Variants in VEPH1 observed in about 807,000 individuals in gnomAD.
The protein encoded by VEPH1 is ventricular zone expressed PH domain containing 1.
A neutral mutation model predicts 85.2 loss-of-function variants in VEPH1; 80 were observed. The observed-to-expected ratio is 0.94, with a 90% CI of 0.78 to 1.13. VEPH1 has a LOEUF of 1.13. Ranked by LOEUF, VEPH1 falls within the 50% of genes most tolerant of loss-of-function variation. The pLI is 0.00. For synonymous variants in VEPH1, 297 were observed against 348.0 expected, an observed-to-expected ratio of 0.85 and a Z score of 1.63; for missense variants, 955 against 980.5, an observed-to-expected ratio of 0.97 and a Z score of 0.35.
At chr3:157,419,079 GA>G (rs1482187812) in intron 5 of VEPH1, among the ~76,000 whole-genome samples, 3 of 152,164 alleles carry the variant, frequency 2.0e-5, no homozygotes, top group Non-Finnish European at 4.4e-5. Flanking sequence ...AAGCGAGGGG[GA>G]AAGGATTTTC....
intron 5 of VEPH1, 116 bp downstream of exon 5, chr3:157,428,205 TA>T (rs1343328614): frequency 4.4e-6 from 5 of 1,147,392 alleles, no homozygotes; most frequent in South Asian, 4.1e-5. Context: ...CGCTTTCACT[TA>T]AAAAAATGGG....
In VEPH1 at chr3:157,487,488, G is replaced by T. The variant is rs112498645; in HGVS notation, c.138+7724C>A. Among the ~76,000 whole-genome samples the T allele has an allele frequency of 5.5e-3, 844 of 152,164 alleles. 5 individuals are homozygous for T. The highest frequency in any genetic ancestry group is 0.018 in the African/African-American group (768 of 41,550). ...GCCAGAGAGTTTTATACTGTTCTATGAAATCTTTGAGGATTAGGTCACAAT... is the reference window on the plus strand; with the variant it reads ...GCCAGAGAGTTTTATACTGTTCTATTAAATCTTTGAGGATTAGGTCACAAT... On this transcript the variant is annotated intron_variant, in intron 2 of 13. Transcript: ENST00000362010.
chr3:157,484,828 C>T (rs1023003394), intron 2 of VEPH1, among the ~76,000 whole-genome samples: 5 of 152,124 alleles, frequency 3.3e-5, no homozygotes, highest in Non-Finnish European at 5.9e-5. Context: ...AGAGAAGAGA[C>T]TGCCAGTTAA....
chr3:157,465,877 G>A (rs569101864), intron 3 of VEPH1, among the ~76,000 whole-genome samples: 2 of 152,272 alleles, frequency 1.3e-5, no homozygotes, highest in South Asian at 2.1e-4. Context: ...CCCTCTTCAT[G>A]CAGTCATCAA....
At chr3:157,375,666 T>G (rs1728009322) in intron 7 of VEPH1, among the ~76,000 whole-genome samples, 1 of 152,204 alleles carries the variant, frequency 6.6e-6, no homozygotes, top group Admixed American at 6.5e-5. Flanking sequence ...TTCCCTTCAT[T>G]CTCCTGCATG....
At chr3:157,392,381 C>T (rs1187905388) in intron 6 of VEPH1, among the ~76,000 whole-genome samples, 2 of 152,168 alleles carry the variant, frequency 1.3e-5, no homozygotes, top group Non-Finnish European at 2.9e-5. Context: ...AAGACTTATT[C>T]ACTATCACGA....
intron 4 of VEPH1, chr3:157,436,649 T>A (rs936487058): frequency 2.6e-4 from 71 of 277,116 alleles, no homozygotes; most frequent in Non-Finnish European, 4.8e-4. Flanking sequence ...CCTCTGACCC[T>A]CCTCCAATTA....
At chr3:157,500,192 A>T (rs534112115) in intron 1 of VEPH1, among the ~76,000 whole-genome samples, 1 of 152,328 alleles carries the variant, frequency 6.6e-6, no homozygotes, top group African/African-American at 2.4e-5. Context: ...TGACACTCCG[A>T]TGGAGAAAAG....
chr3:157,362,037 T>A (rs959997142), intron 9 of VEPH1, among the ~76,000 whole-genome samples: 3 of 152,082 alleles, frequency 2.0e-5, no homozygotes, highest in African/African-American at 7.2e-5. Context: ...TTTTATTTTT[T>A]TTTTGGGTGG....
At chr3:157,332,156 G>A (rs1427837092) in intron 9 of VEPH1, among the ~76,000 whole-genome samples, 2 of 152,154 alleles carry the variant, frequency 1.3e-5, no homozygotes, top group Non-Finnish European at 2.9e-5. Flanking sequence ...ATTTGTGGAG[G>A]ATATGCTGCA....
At chr3:157,362,220 G>A (rs922533190) in intron 9 of VEPH1, among the ~76,000 whole-genome samples, 2 of 151,806 alleles carry the variant, frequency 1.3e-5, no homozygotes, top group Admixed American at 6.6e-5. Flanking sequence ...CAGTAGAGAC[G>A]GGGTTTCACC....
intron 11 of VEPH1, among the ~76,000 whole-genome samples, chr3:157,311,904 C>A (rs1481991563): frequency 6.6e-6 from 1 of 152,070 alleles, no homozygotes; most frequent in African/African-American, 2.4e-5. Context: ...GTGGCATTTC[C>A]TTTATTTTTA....
intron 2 of VEPH1, among the ~76,000 whole-genome samples, chr3:157,482,626 T>A (rs1408787139): frequency 6.6e-6 from 1 of 152,234 alleles, no homozygotes; most frequent in South Asian, 2.1e-4. Flanking sequence ...GCATGGAATA[T>A]TTTTCCATTT....
chr3:157,449,035 T>C (rs1734753015), intron 4 of VEPH1, among the ~76,000 whole-genome samples: 1 of 152,168 alleles, frequency 6.6e-6, no homozygotes, highest in South Asian at 2.1e-4. Flanking sequence ...CCTTTCACCT[T>C]CCACCATGAT....
At chr3:157,464,590 T>C (rs1040164535) in intron 3 of VEPH1, among the ~76,000 whole-genome samples, 5 of 152,188 alleles carry the variant, frequency 3.3e-5, no homozygotes, top group Non-Finnish European at 7.3e-5. Flanking sequence ...GTGGGGACAA[T>C]TTAGCTGTAG....
intron 4 of VEPH1, among the ~76,000 whole-genome samples, chr3:157,450,243 G>A (rs371428340): frequency 6.6e-6 from 1 of 151,596 alleles, no homozygotes; most frequent in Non-Finnish European, 1.5e-5. Context: ...TTTTAGTAGG[G>A]ACGAGGTCTT....
In VEPH1 at chr3:157,456,731, CGT is replaced by C. The variant is rs1276772174; in HGVS notation, c.529+3448_529+3449del. On this transcript the variant is annotated intron_variant, in intron 4 of 13. Coordinates refer to ENST00000362010, the MANE Select transcript of VEPH1 (RefSeq NM_001167912.2). ...CTCTATTCTGTTCTATTGGTCTATG[CGT>C]GTGTTTTTGTACCCGTACCATGCTG... 4.6e-5 allele frequency among the ~76,000 whole-genome samples: 7 copies of C among 151,814 alleles called. No homozygotes were observed. In the East Asian group the frequency reaches 1.3e-3, roughly 29 times the overall value.
intron 2 of VEPH1, among the ~76,000 whole-genome samples, chr3:157,473,575 T>C (rs569418264): frequency 6.6e-6 from 1 of 152,332 alleles, no homozygotes; most frequent in Admixed American, 6.5e-5. Flanking sequence ...AGAACAAGAA[T>C]GCTAGCTTAG....
At chr3:157,372,713 A>G (rs1727643660) in intron 7 of VEPH1, among the ~76,000 whole-genome samples, 2 of 150,572 alleles carry the variant, frequency 1.3e-5, no homozygotes, top group African/African-American at 4.9e-5. Context: ...GTAAAGAACT[A>G]TTTTTTTTTT....
Sources: gnomAD v4.1 joint callset for allele counts (sites outside exome capture counted in the v4.1 genomes callset) on GRCh38, gnomAD v4.1.1 for gene constraint, MANE v1.5 for transcripts, NCBI Gene and HGNC (gene_info 2026-07-23, HGNC 2026-07-21) for gene names.